The following PPP2R5E variants were observed in gnomAD, a reference collection of about 807,000 sequenced individuals.
The protein encoded by PPP2R5E is protein phosphatase 2 regulatory subunit B'epsilon.
In PPP2R5E, 4 loss-of-function variants were observed where a neutral mutation model predicts 65.3. The observed-to-expected ratio is 0.06, with a 90% CI of 0.03 to 0.14. The LOEUF is 0.14. Ranked by LOEUF, PPP2R5E falls within the 10% of genes least tolerant of loss-of-function variation. The pLI is 1.00. For synonymous variants in PPP2R5E, 183 were observed against 187.4 expected, an observed-to-expected ratio of 0.98 and a Z score of 0.19; for missense variants, 274 against 556.1, an observed-to-expected ratio of 0.49 and a Z score of 5.10.
intron 3 of PPP2R5E, among the ~76,000 whole-genome samples, chr14:63,423,911 G>A (rs752135450): frequency 1.1e-4 from 16 of 152,136 alleles, no homozygotes; most frequent in Non-Finnish European, 1.5e-4. Context: ...GGTAAGCTAC[G>A]GGAAGGAGAT....
At chr14:63,415,856 C>T (rs1427168218) in intron 4 of PPP2R5E, among the ~76,000 whole-genome samples, 1 of 152,168 alleles carries the variant, frequency 6.6e-6, no homozygotes, top group African/African-American at 2.4e-5. Context: ...ACATAACATA[C>T]ATCAGTATGT....
chr14:63,507,873 C>T (rs760570079), intron 2 of PPP2R5E, among the ~76,000 whole-genome samples: 3 of 152,024 alleles, frequency 2.0e-5, no homozygotes, highest in Non-Finnish European at 4.4e-5. Context: ...CCACCGCAAC[C>T]GGCCCCAGCA....
At chr14:63,501,666 C>G (rs1264919214) in intron 2 of PPP2R5E, among the ~76,000 whole-genome samples, 3 of 152,034 alleles carry the variant, frequency 2.0e-5, no homozygotes, top group African/African-American at 7.2e-5. Flanking sequence ...TGTGAACATA[C>G]TAAAAACTAA....
At chr14:63,489,284 AC>A (rs2139626372) in intron 2 of PPP2R5E, among the ~76,000 whole-genome samples, 1 of 152,246 alleles carries the variant, frequency 6.6e-6, no homozygotes, top group East Asian at 1.9e-4. Flanking sequence ...CTTTTCAAGT[AC>A]CACTGCCTCT....
intron 4 of PPP2R5E, among the ~76,000 whole-genome samples, chr14:63,416,546 C>CT (rs1384314246): frequency 6.6e-6 from 1 of 151,800 alleles, no homozygotes; most frequent in African/African-American, 2.4e-5. Context: ...GGTCTCACTC[C>CT]TTTACACTTA....
At chr14:63,469,566 C>T (rs997867112) in intron 2 of PPP2R5E, among the ~76,000 whole-genome samples, 3 of 152,216 alleles carry the variant, frequency 2.0e-5, no homozygotes, top group South Asian at 2.1e-4. Flanking sequence ...TGGTGGCGAG[C>T]GCCTGTAGTC....
Position 63,422,023 on chromosome 14 carries a change from A to G in PPP2R5E, c.426T>C (p.Pro142=). 6.2e-7 allele frequency: 1 copy of G among 1,613,336 alleles called. No individual in the cohort carries two copies. Among genetic ancestry groups the G allele is most frequent in the South Asian group, 1.1e-5 (1 of 91,070 alleles). ...AGTGTGGCCACGATGCCTCAAGGGT[A>G]GGTTCATCTTCTTCTGGATCAAATT... ...SNEFDPEEDE[P]TLEASWPHLQ... is the part of the protein sequence containing the mutation. The change falls in exon 4 of 14, where the codon CCT becomes CCC. Residue 142 remains proline, a synonymous_variant. Coordinates refer to ENST00000337537, the MANE Select transcript of PPP2R5E (RefSeq NM_006246.5).
intron 2 of PPP2R5E, among the ~76,000 whole-genome samples, chr14:63,464,475 A>G (rs1889673997): frequency 1.3e-5 from 2 of 152,124 alleles, no homozygotes; most frequent in African/African-American, 2.4e-5. Context: ...TGGCAGGAAG[A>G]AGGAGCATGC....
At chr14:63,389,483 A>AGAC in intron 11 of PPP2R5E, 129 bp downstream of exon 11, 2 of 1,133,672 alleles carry the variant, frequency 1.8e-6, no homozygotes, top group Non-Finnish European at 1.2e-6. Flanking sequence ...CCACTATTAA[A>AGAC]ATTATCATCA....
At chr14:63,413,581 T>C (rs1243684673) in intron 5 of PPP2R5E, among the ~76,000 whole-genome samples, 1 of 152,160 alleles carries the variant, frequency 6.6e-6, no homozygotes, top group African/African-American at 2.4e-5. Flanking sequence ...AATTTAGTCA[T>C]GACTACTTTA....
chr14:63,474,414 C>A (rs1232158596), intron 2 of PPP2R5E, among the ~76,000 whole-genome samples: 1 of 152,010 alleles, frequency 6.6e-6, no homozygotes, highest in Non-Finnish European at 1.5e-5. Context: ...AAGTGTTACA[C>A]TGACAATGTG....
chr14:63,378,389 C>T (rs1884109909), intron 13 of PPP2R5E, among the ~76,000 whole-genome samples: 1 of 152,194 alleles, frequency 6.6e-6, no homozygotes, highest in Admixed American at 6.5e-5. Context: ...ATAGAAATAA[C>T]TCCCACAAGC....
At chr14:63,379,826 C>CTCTCTCTTTTTTTTTTTTTT (rs528081976) in intron 13 of PPP2R5E, among the ~76,000 whole-genome samples, 1 of 100,300 alleles carries the variant, frequency 1.0e-5, no homozygotes, top group Non-Finnish European at 1.8e-5. Flanking sequence ...TATTCTCTCT[C>CTCTCTCTTTTTTTTTTTTTT]TTTTTTTTTT....
chr14:63,417,183 A>C (rs539844893), intron 4 of PPP2R5E, among the ~76,000 whole-genome samples: 1 of 152,290 alleles, frequency 6.6e-6, no homozygotes, highest in East Asian at 1.9e-4. Flanking sequence ...CAGCTCTTTT[A>C]AATGTTGACA....
intron 2 of PPP2R5E, among the ~76,000 whole-genome samples, chr14:63,511,189 G>A (rs1892438467): frequency 6.6e-6 from 1 of 152,208 alleles, no homozygotes; most frequent in Non-Finnish European, 1.5e-5. Flanking sequence ...TGGGACAATA[G>A]CAAACATGAT....
intron 2 of PPP2R5E, among the ~76,000 whole-genome samples, chr14:63,494,851 C>G (rs1309369373): frequency 6.6e-6 from 1 of 151,742 alleles, no homozygotes; most frequent in Non-Finnish European, 1.5e-5. Context: ...GAGCCAAGAT[C>G]ACGCCACTGC....
At position 63,372,042 on chromosome 14, in the gene PPP2R5E, GA is replaced by G. The variant is rs1436023356; in HGVS notation, c.*3966del. ...AATAAGTGATTTCAAAAAAAGTAAA[GA>G]AAGAGGAAGGGAAGAGGGAAGGAGG... On this transcript the variant is annotated 3_prime_UTR_variant, in exon 14 of 14. Transcript: ENST00000337537. 6.8e-6 allele frequency: 1 copy of G among 147,054 alleles called. No homozygotes were observed. The highest frequency in any genetic ancestry group is 1.5e-5 in the Non-Finnish European group (1 of 66,618). The allele number at this position is 147,054 out of a possible 1,614,324, so 9.1% of individuals were successfully genotyped here.
At chr14:63,517,660 ATAATT>A (rs1892719087) in intron 2 of PPP2R5E, among the ~76,000 whole-genome samples, 1 of 152,248 alleles carries the variant, frequency 6.6e-6, no homozygotes. Context: ...ATAATTCTCA[ATAATT>A]TAAATTATAA....
At chr14:63,380,240 G>A (rs953542071) in intron 13 of PPP2R5E, among the ~76,000 whole-genome samples, 6 of 152,044 alleles carry the variant, frequency 3.9e-5, no homozygotes, top group Non-Finnish European at 8.8e-5. Flanking sequence ...CACCTTTAAC[G>A]ATGCAACACA....
Sources: allele counts gnomAD v4.1 joint callset (sites outside exome capture counted in the v4.1 genomes callset), GRCh38; gene constraint gnomAD v4.1.1; transcripts MANE v1.5; gene names NCBI Gene and HGNC (gene_info 2026-07-23, HGNC 2026-07-21).